Variants in MYOF observed in about 807,000 individuals in gnomAD.
MYOF encodes the protein myoferlin, also known as fer-1-like 3, myoferlin.
MYOF carries 244 observed loss-of-function variants against 284.2 expected under a neutral mutation model. The ratio of observed to expected loss-of-function variants is 0.86; its 90% confidence interval spans 0.77 to 0.95. MYOF has a LOEUF of 0.95. Among genes scored for constraint, MYOF ranks in the 40% least tolerant of loss-of-function variants. The pLI is 0.00. For missense variants in MYOF, 2,496 were observed against 2,560.6 expected, an observed-to-expected ratio of 0.97 and a Z score of 0.54; for synonymous variants, 904 against 919.7, an observed-to-expected ratio of 0.98 and a Z score of 0.31.
intron 22 of MYOF, among the ~76,000 whole-genome samples, chr10:93,375,676 C>T (rs756753933): frequency 3.9e-5 from 6 of 152,178 alleles, no homozygotes; most frequent in Admixed American, 6.5e-5. Flanking sequence ...TGCATAGCAA[C>T]GTCTAAACAA....
chr10:93,447,660 C>T (rs920778737), intron 3 of MYOF, among the ~76,000 whole-genome samples: 12 of 152,120 alleles, frequency 7.9e-5, no homozygotes, highest in East Asian at 5.8e-4. Flanking sequence ...GTCTCTCGTT[C>T]GCCAGCTAAT....
intron 31 of MYOF, 53 bp from the exon 32 acceptor site, chr10:93,353,941 T>C: frequency 7.3e-7 from 1 of 1,377,496 alleles, no homozygotes; most frequent in Non-Finnish European, 1.0e-6. Flanking sequence ...TGTAAACTGC[T>C]ATTTTACTGG....
intron 21 of MYOF, among the ~76,000 whole-genome samples, chr10:93,379,557 C>A (rs1429372286): frequency 8.5e-5 from 13 of 152,086 alleles, no homozygotes; most frequent in Non-Finnish European, 2.9e-5. Flanking sequence ...TCATCTTCTC[C>A]CCACTGTTTA....
intron 45 of MYOF, among the ~76,000 whole-genome samples, chr10:93,328,345 T>C (rs1322837670): frequency 1.3e-5 from 2 of 152,218 alleles, no homozygotes; most frequent in African/African-American, 4.8e-5. Context: ...AGCTTGAACA[T>C]GAGCCAAATG....
At chr10:93,388,169 G>C (rs1846487911) in intron 18 of MYOF, among the ~76,000 whole-genome samples, 1 of 149,342 alleles carries the variant, frequency 6.7e-6, no homozygotes, top group African/African-American at 2.5e-5. Context: ...ACCAAGGTCA[G>C]AGGTCTTCAA....
rs774761394 is a variant in MYOF, at chr10:93,347,767, C to T, written c.4099G>A (p.Glu1367Lys). The change falls in exon 37 of 54, where the codon GAA becomes AAA. Residue 1367 changes from glutamate to lysine, a missense_variant. Physicochemically the swap from Glu to Lys is moderately conservative, Grantham distance 56. Transcript: ENST00000359263. Reference protein sequence around the residue: ...LFMKVFLPKEELYMPPLVIKV... With the variant: ...LFMKVFLPKEKLYMPPLVIKV... ...ATCACCAGTGGGGGCATGTACAATT[C>T]CTCCTTGGGCAAGAACTGGGGGTCA... is the stretch of plus-strand genomic sequence containing the variant. The T allele has an allele frequency of 5.0e-6, 8 of 1,611,866 alleles. No individual in the cohort carries two copies. Among genetic ancestry groups the T allele is most frequent in the Non-Finnish European group, 5.1e-6 (6 of 1,178,574 alleles).
intron 32 of MYOF, among the ~76,000 whole-genome samples, 159 bp downstream of exon 32, chr10:93,353,652 T>C (rs1196981904): frequency 6.6e-6 from 1 of 152,232 alleles, no homozygotes; most frequent in Non-Finnish European, 1.5e-5. Flanking sequence ...AGTGATGATT[T>C]ATCTAATGAC....
rs115141572 is a variant in MYOF at position 93,353,637 on chromosome 10, C to T, written c.3481+174G>A. Among the ~76,000 whole-genome samples, 728 of 152,228 alleles carry T rather than the reference C, an allele frequency of 4.8e-3. 7 individuals carry two copies. Among genetic ancestry groups the T allele is most frequent in the African/African-American group, 0.016 (680 of 41,514 alleles). ...TAGGACCCAGCAATGGTGCCTAAAGCATTCAGTGATGATTTATCTAATGAC... is the reference window on the plus strand; with the variant it reads ...TAGGACCCAGCAATGGTGCCTAAAGTATTCAGTGATGATTTATCTAATGAC... On this transcript the variant is annotated intron_variant, in intron 32 of 53. Coordinates refer to ENST00000359263, the MANE Select transcript of MYOF (RefSeq NM_013451.4).
chr10:93,351,455 G>T lies in MYOF; in HGVS notation c.3780C>A (p.Cys1260Ter). The change falls in exon 34 of 54, where the codon TGC (cysteine) becomes TGA (stop). Residue 1260 changes from cysteine (C) to a stop codon, truncating the protein, a stop_gained. Coordinates refer to ENST00000359263, the MANE Select transcript of MYOF (RefSeq NM_013451.4). LOFTEE classifies it high-confidence loss of function. The part of the protein sequence containing the change: ...WHPVMNGDKA[C>*]GDVLVTAELI... The stretch of plus-strand genomic sequence containing the variant: ...GCTCTGCAGTTACAAGAACATCCCC[G>T]CAGGCTTTGTCTCCATTCATTACTG... The T allele has an allele frequency of 6.2e-6, 10 of 1,614,126 alleles. No individual in the cohort carries two copies. Among genetic ancestry groups the T allele is most frequent in the African/African-American group, 4.0e-5 (3 of 75,028 alleles).
intron 1 of MYOF, among the ~76,000 whole-genome samples, chr10:93,476,777 G>A (rs1175600040): frequency 1.3e-5 from 2 of 152,188 alleles, no homozygotes; most frequent in South Asian, 4.2e-4. Context: ...AATTAGAGGG[G>A]GGATATTCTA....
chr10:93,462,311 C>T (rs1009496788), intron 1 of MYOF, among the ~76,000 whole-genome samples: 1 of 152,134 alleles, frequency 6.6e-6, no homozygotes, highest in Non-Finnish European at 1.5e-5. Flanking sequence ...CTCAAGTGAT[C>T]CGCTCACCTC....
At chr10:93,379,585 C>A (rs1229337461) in intron 21 of MYOF, among the ~76,000 whole-genome samples, 4 of 152,148 alleles carry the variant, frequency 2.6e-5, no homozygotes, top group African/African-American at 9.7e-5. Context: ...TCCCCTCAGG[C>A]TGGAGGGCAG....
At chr10:93,477,216 A>T (rs967710822) in intron 1 of MYOF, among the ~76,000 whole-genome samples, 8 of 152,210 alleles carry the variant, frequency 5.3e-5, no homozygotes, top group Non-Finnish European at 1.0e-4. Flanking sequence ...AAAAGGCCAG[A>T]TGCAGTGGCT....
intron 42 of MYOF, among the ~76,000 whole-genome samples, chr10:93,333,554 A>C (rs1312265817): frequency 1.3e-5 from 2 of 152,146 alleles, no homozygotes; most frequent in Admixed American, 1.3e-4. Context: ...GTAAAATGAG[A>C]AGGATGAACC....
rs760569361 is a variant in MYOF at position 93,452,031 on chromosome 10, A to T, written c.236+19T>A. ...GATAGTAATACCTAAAATGAGAAAAACAGGTGAAAACAACTTACTTATTTT... is the reference window on the plus strand; with the variant it reads ...GATAGTAATACCTAAAATGAGAAAATCAGGTGAAAACAACTTACTTATTTT... On this transcript the variant is annotated intron_variant, in intron 3 of 53. Coordinates refer to ENST00000359263, the MANE Select transcript of MYOF (RefSeq NM_013451.4). The T allele has an allele frequency of 6.5e-7, 1 of 1,543,828 alleles. No homozygotes were observed.
chr10:93,380,032 T>G, intron 20 of MYOF, 45 bp from the exon 21 acceptor site: 1 of 1,591,018 alleles, frequency 6.3e-7, no homozygotes, highest in African/African-American at 1.3e-5. Context: ...ACACTTAAAA[T>G]AGACAGCATG....
rs763936793 is a variant in MYOF at position 93,336,064 on chromosome 10, A to G, written c.4438-18T>C. 1 of 1,610,708 alleles carries G rather than the reference A, an allele frequency of 6.2e-7. No homozygotes were observed. Among genetic ancestry groups the G allele is most frequent in the East Asian group, 2.2e-5 (1 of 44,846 alleles). On this transcript the variant is annotated intron_variant, in intron 40 of 53. Coordinates refer to ENST00000359263, the MANE Select transcript of MYOF (RefSeq NM_013451.4). ...TTATATATCTGAAAACCACCAACAG[A>G]GTCTTAATTTCTCATTAAAATGCAG... is the stretch of plus-strand genomic sequence containing the variant.
At chr10:93,337,518 A>G in intron 40 of MYOF, 1 of 322,114 alleles carries the variant, frequency 3.1e-6, no homozygotes, top group East Asian at 5.4e-5. Flanking sequence ...CCCTGAGTCA[A>G]ACTGGATCAT....
intron 23 of MYOF, among the ~76,000 whole-genome samples, chr10:93,374,466 G>A (rs933643473): frequency 6.6e-6 from 1 of 152,174 alleles, no homozygotes; most frequent in African/African-American, 2.4e-5. Flanking sequence ...TTAATCCTGT[G>A]AACTGCAAAG....
Sources: allele counts gnomAD v4.1 joint callset (sites outside exome capture counted in the v4.1 genomes callset), GRCh38; gene constraint gnomAD v4.1.1; transcripts MANE v1.5; gene names NCBI Gene and HGNC (gene_info 2026-07-23, HGNC 2026-07-21).